The following SKI variants were observed in gnomAD, a reference collection of about 807,000 sequenced individuals.
SKI encodes the protein SKI proto-oncogene.
SKI carries 23 observed loss-of-function variants against 59.3 expected under a neutral mutation model. That is an observed-to-expected ratio of 0.39 (90% CI 0.28 to 0.55). SKI has a LOEUF of 0.55. Among genes scored for constraint, SKI ranks in the 20% least tolerant of loss-of-function variants. SKI has a pLI of 0.67. For synonymous variants in SKI, 673 were observed against 488.6 expected (o/e 1.38, Z -4.98); for missense variants, 1,017 against 1,038.9 (o/e 0.98, Z 0.29).
At chr1:2,292,681 A>T (rs1010631045) in intron 1 of SKI, among the ~76,000 whole-genome samples, 2 of 152,220 alleles carry the variant, frequency 1.3e-5, no homozygotes, top group African/African-American at 4.8e-5. Flanking sequence ...ACCCTTGCCT[A>T]AGGGAGGGAG....
rs943256188 is a variant in SKI at position 2,296,642 on chromosome 1, C to T, written c.970-6336C>T. 2.6e-5 allele frequency among the ~76,000 whole-genome samples: 4 copies of T among 151,822 alleles called. No homozygotes were observed. In the East Asian group the frequency reaches 5.8e-4, roughly 22 times the overall value. On this transcript the variant is annotated intron_variant, in intron 1 of 6. Transcript: ENST00000378536. ...CTGAATCTGGTCCCTTACCAGCTAC[C>T]GGGTTTGCACGTTTTCCCTTGCATC...
At chr1:2,273,125 A>G (rs1312371065) in intron 1 of SKI, among the ~76,000 whole-genome samples, 2 of 152,212 alleles carry the variant, frequency 1.3e-5, no homozygotes, top group African/African-American at 4.8e-5. Flanking sequence ...TCTCGGGAAC[A>G]GACCAAGGGG....
At chr1:2,245,766 G>T (rs2100815025) in intron 1 of SKI, among the ~76,000 whole-genome samples, 1 of 141,606 alleles carries the variant, frequency 7.1e-6, no homozygotes, top group South Asian at 2.3e-4. Flanking sequence ...GTCAGCCACT[G>T]CACCTGGCCC....
chr1:2,265,959 C>T (rs1569762961), intron 1 of SKI, among the ~76,000 whole-genome samples: 1 of 152,016 alleles, frequency 6.6e-6, no homozygotes, highest in African/African-American at 2.4e-5. Flanking sequence ...CAGAGCCAGA[C>T]CCTATCTCAA....
intron 1 of SKI, among the ~76,000 whole-genome samples, chr1:2,246,641 C>T (rs1052092387): frequency 6.6e-6 from 1 of 152,154 alleles, no homozygotes; most frequent in Admixed American, 6.5e-5. Context: ...TTTGTGCGAG[C>T]TGGGCGGGGG....
chr1:2,257,112 G>T (rs1019244251), intron 1 of SKI, among the ~76,000 whole-genome samples: 2 of 152,158 alleles, frequency 1.3e-5, no homozygotes, highest in African/African-American at 2.4e-5. Flanking sequence ...TTTCATTTTC[G>T]TTTCTAAGAT....
chr1:2,234,540 G>A (rs546190519), intron 1 of SKI, among the ~76,000 whole-genome samples: 2 of 152,350 alleles, frequency 1.3e-5, no homozygotes, highest in Admixed American at 6.5e-5. Context: ...CCGCCCTGGA[G>A]TCTCTCGGGG....
chr1:2,302,935 C>G, intron 1 of SKI, 43 bp from the exon 2 acceptor site: 1 of 1,612,948 alleles, frequency 6.2e-7, no homozygotes, highest in South Asian at 1.1e-5. Flanking sequence ...GGGACCCTGC[C>G]CTGGGAACCA....
Position 2,303,684 on chromosome 1 carries a change from G to A in SKI, c.1212-156G>A, listed in dbSNP as rs532648443. 4.7e-6 allele frequency: 5 copies of A among 1,066,632 alleles called. No individual in the cohort carries two copies. The highest frequency in any genetic ancestry group is 6.8e-6 in the Non-Finnish European group (5 of 733,534). 66.1% of individuals were successfully genotyped at this position (1,066,632 alleles called of 1,614,324 possible). A position where few individuals can be genotyped will look rare whatever the true frequency, so the allele number is the denominator to read the frequency against. On this transcript the variant is annotated intron_variant, in intron 3 of 6. Transcript: ENST00000378536. This position sits in a 1 kb window ranked among gnomAD's most constrained non-coding sequence, Gnocchi z 5.6. Reference sequence around the variant, plus strand: ...GCAAGAGACCCAGCAAGCAGAAAACGCTTACGGGTTCTTAGGGAACTGTAA... The same window carrying A: ...GCAAGAGACCCAGCAAGCAGAAAACACTTACGGGTTCTTAGGGAACTGTAA...
At chr1:2,302,072 T>G (rs1479799641) in intron 1 of SKI, among the ~76,000 whole-genome samples, 1 of 152,230 alleles carries the variant, frequency 6.6e-6, no homozygotes, top group Non-Finnish European at 1.5e-5. Flanking sequence ...GGAGTTCACG[T>G]TTGCCTGAGG....
chr1:2,296,860 C>T (rs923161741), intron 1 of SKI, among the ~76,000 whole-genome samples: 5 of 152,114 alleles, frequency 3.3e-5, no homozygotes, highest in African/African-American at 1.2e-4. Flanking sequence ...CACGTGCGCT[C>T]GCAGCCTCGG....
At chr1:2,276,344 G>A (rs1639743045) in intron 1 of SKI, among the ~76,000 whole-genome samples, 1 of 152,156 alleles carries the variant, frequency 6.6e-6, no homozygotes, top group Admixed American at 6.5e-5. Context: ...TTTACTTGAG[G>A]TTTGATATTT....
Position 2,228,841 on chromosome 1 carries a change from C to T in SKI, c.75C>T (p.His25=), listed in dbSNP as rs1486448334. The T allele has an allele frequency of 7.7e-6, 11 of 1,419,630 alleles. No homozygotes were observed. The highest frequency in any genetic ancestry group is 4.9e-5 in the Admixed American group (2 of 41,154). 87.9% of individuals were successfully genotyped at this position (1,419,630 alleles called of 1,614,324 possible). Residue 25 remains histidine, a synonymous_variant, in exon 1 of 7, where the codon CAC becomes CAT. Coordinates refer to ENST00000378536, the MANE Select transcript of SKI (RefSeq NM_003036.4). ...PGLQKTLEQF[H]LSSMSSLGGP... Reference sequence around the variant, plus strand: ...TGCAGAAGACGCTGGAGCAGTTCCACCTGAGCTCCATGAGCTCGCTGGGCG... The same window carrying T: ...TGCAGAAGACGCTGGAGCAGTTCCATCTGAGCTCCATGAGCTCGCTGGGCG...
Position 2,229,491 on chromosome 1 carries a change from C to G in SKI, c.725C>G (p.Ala242Gly). 1 of 1,611,798 alleles carries G rather than the reference C, an allele frequency of 6.2e-7. No individual in the cohort carries two copies. Among genetic ancestry groups the G allele is most frequent in the East Asian group, 2.2e-5 (1 of 44,868 alleles). ...CCCGAGCTCTACAGCAGCCCGAGCG[C>G]CGCCTGCATCCAGTGCCTGGACTGC... Reference protein sequence around the residue: ...LVPELYSSPSAACIQCLDCRL... With the variant: ...LVPELYSSPSGACIQCLDCRL... Residue 242 changes from alanine (A) to glycine (G), a missense_variant, in exon 1 of 7, where the codon GCC becomes GGC. By Grantham distance (60) the Ala-to-Gly change is moderately conservative (BLOSUM62 0). Coordinates refer to ENST00000378536, the MANE Select transcript of SKI (RefSeq NM_003036.4). The surrounding 1 kb of genome is among the most constrained non-coding windows in gnomAD (Gnocchi z 6.3).
intron 1 of SKI, among the ~76,000 whole-genome samples, chr1:2,300,455 G>C (rs753788780): frequency 2.0e-5 from 3 of 152,210 alleles, no homozygotes; most frequent in African/African-American, 7.2e-5. Flanking sequence ...AGACTCAGCC[G>C]TCTGTCACTG....
chr1:2,245,963 A>G (rs532146868), intron 1 of SKI, among the ~76,000 whole-genome samples: 1 of 146,574 alleles, frequency 6.8e-6, no homozygotes, highest in African/African-American at 2.5e-5. Context: ...CACCTGGCTA[A>G]TTTTTGTTTT....
chr1:2,256,332 C>T (rs1253952626), intron 1 of SKI, among the ~76,000 whole-genome samples: 2 of 152,206 alleles, frequency 1.3e-5, no homozygotes, highest in Non-Finnish European at 2.9e-5. Context: ...GCGTGCCTGA[C>T]CTCATTTCCT....
intron 1 of SKI, among the ~76,000 whole-genome samples, chr1:2,289,814 C>G (rs1640123822): frequency 1.3e-5 from 2 of 152,148 alleles, no homozygotes; most frequent in South Asian, 4.1e-4. Flanking sequence ...CCTCTTCCAC[C>G]AAGAGCCTGG....
intron 1 of SKI, among the ~76,000 whole-genome samples, chr1:2,298,684 C>G (rs557390749): frequency 9.8e-4 from 150 of 152,336 alleles, no homozygotes; most frequent in Non-Finnish European, 1.8e-3. Flanking sequence ...GTGCTGCTTC[C>G]AGGCAGACCA....
Sources: gnomAD v4.1 joint callset for allele counts (sites outside exome capture counted in the v4.1 genomes callset) on GRCh38, gnomAD v4.1.1 for gene constraint, Gnocchi (gnomAD v3.1) non-coding constraint, MANE v1.5 for transcripts, NCBI Gene and HGNC (gene_info 2026-07-23, HGNC 2026-07-21) for gene names.